Variants in TGFB2 observed in about 807,000 individuals in gnomAD.
The protein encoded by TGFB2 is transforming growth factor beta 2, also known as transforming growth factor beta-2 proprotein.
In TGFB2, 13 loss-of-function variants were observed where a neutral mutation model predicts 42.7. The observed-to-expected ratio is 0.30, with a 90% CI of 0.20 to 0.48. The LOEUF is 0.48. Ranked by LOEUF, TGFB2 falls within the 20% of genes least tolerant of loss-of-function variation. TGFB2 has a pLI of 0.99. For synonymous variants in TGFB2, 193 were observed against 193.6 expected, an observed-to-expected ratio of 1.00 and a Z score of 0.03; for missense variants, 390 against 517.5, an observed-to-expected ratio of 0.75 and a Z score of 2.39.
At chr1:218,367,530 T>C (rs1157458981) in intron 1 of TGFB2, among the ~76,000 whole-genome samples, 2 of 152,216 alleles carry the variant, frequency 1.3e-5, no homozygotes, top group South Asian at 2.1e-4. Context: ...AAGACAACTG[T>C]ACAGTATGGA....
intron 1 of TGFB2, among the ~76,000 whole-genome samples, chr1:218,352,444 A>C (rs1010228685): frequency 2.0e-5 from 3 of 152,134 alleles, no homozygotes; most frequent in Admixed American, 1.3e-4. Context: ...TCCTTTAAAC[A>C]ATGATAGTTT....
At chr1:218,431,964 C>G (rs181245737) in intron 2 of TGFB2, among the ~76,000 whole-genome samples, 57 of 152,324 alleles carry the variant, frequency 3.7e-4, no homozygotes, top group African/African-American at 1.3e-3. Context: ...TGCCAACATT[C>G]ATTGTGTATA....
chr1:218,411,668 A>C (rs1659102229), intron 2 of TGFB2, among the ~76,000 whole-genome samples: 1 of 152,004 alleles, frequency 6.6e-6, no homozygotes, highest in African/African-American at 2.4e-5. Flanking sequence ...CCAGGAGTTC[A>C]AGCCTGGGCA....
intron 2 of TGFB2, among the ~76,000 whole-genome samples, chr1:218,412,598 G>C (rs1659137118): frequency 6.6e-6 from 1 of 152,146 alleles, no homozygotes; most frequent in African/African-American, 2.4e-5. Context: ...AATGGTATGG[G>C]CGTTGTGACC....
At chr1:218,385,726 A>G (rs1389218380) in intron 1 of TGFB2, among the ~76,000 whole-genome samples, 2 of 152,214 alleles carry the variant, frequency 1.3e-5, no homozygotes, top group Non-Finnish European at 2.9e-5. Flanking sequence ...TCATAAGCTC[A>G]GTCTCTGAAC....
Position 218,351,699 on chromosome 1 carries a change from C to T in TGFB2, c.346+4652C>T, listed in dbSNP as rs920772134. ...GGGGCAGGTGGGGACCTCTCCACCT[C>T]ACAGAAGGAAGGGGTTGGGGGAGCC... On this transcript the variant is annotated intron_variant, in intron 1 of 6. Transcript: ENST00000366930. Among the ~76,000 whole-genome samples, 4 of 152,214 alleles carry T rather than the reference C, an allele frequency of 2.6e-5. No homozygotes were observed. The South Asian group carries it at 8.3e-4, about 32-fold the overall frequency.
intron 1 of TGFB2, among the ~76,000 whole-genome samples, chr1:218,401,393 G>A (rs1017245543): frequency 6.6e-6 from 1 of 152,106 alleles, no homozygotes; most frequent in African/African-American, 2.4e-5. Context: ...AGGTTGAGGT[G>A]AGGGGGACAC....
intron 2 of TGFB2, among the ~76,000 whole-genome samples, chr1:218,432,030 A>T (rs923527456): frequency 7.2e-5 from 11 of 152,152 alleles, no homozygotes; most frequent in African/African-American, 2.7e-4. Context: ...ATCTTATTTA[A>T]AAATCTTTGC....
intron 4 of TGFB2, among the ~76,000 whole-genome samples, 184 bp downstream of exon 4, chr1:218,434,632 G>A (rs949529733): frequency 6.6e-6 from 1 of 152,154 alleles, no homozygotes; most frequent in Non-Finnish European, 1.5e-5. Context: ...GAACGGAATA[G>A]GTTCCCAGTT....
intron 2 of TGFB2, among the ~76,000 whole-genome samples, chr1:218,417,060 T>C (rs1006485497): frequency 1.3e-5 from 2 of 152,038 alleles, no homozygotes; most frequent in African/African-American, 4.8e-5. Context: ...TTGGTATCAG[T>C]AGAGTGGGGT....
At chr1:218,376,436 C>T (rs1008708198) in intron 1 of TGFB2, among the ~76,000 whole-genome samples, 3 of 152,206 alleles carry the variant, frequency 2.0e-5, no homozygotes, top group African/African-American at 7.2e-5. Flanking sequence ...CAAGCATATA[C>T]TGCCTTAAGA....
intron 1 of TGFB2, among the ~76,000 whole-genome samples, chr1:218,350,655 A>G (rs1348657825): frequency 6.6e-6 from 1 of 152,232 alleles, no homozygotes; most frequent in Admixed American, 6.5e-5. Flanking sequence ...AATTAAATGG[A>G]GTGTGGATTA....
At chr1:218,389,916 A>C (rs933120663) in intron 1 of TGFB2, among the ~76,000 whole-genome samples, 22 of 152,208 alleles carry the variant, frequency 1.4e-4, no homozygotes, top group Non-Finnish European at 1.3e-4. Flanking sequence ...AAGTGATTCC[A>C]CTGACTTTAG....
chr1:218,423,395 A>G (rs1174353482), intron 2 of TGFB2, among the ~76,000 whole-genome samples: 1 of 152,162 alleles, frequency 6.6e-6, no homozygotes, highest in Non-Finnish European at 1.5e-5. Context: ...TGCTCAGCAA[A>G]TCCCGTAGCA....
chr1:218,362,752 T>C (rs142705197), intron 1 of TGFB2, among the ~76,000 whole-genome samples: 18 of 152,354 alleles, frequency 1.2e-4, no homozygotes, highest in African/African-American at 4.1e-4. Flanking sequence ...TTTCCAGATG[T>C]AATAACTATT....
chr1:218,440,896 C>T (rs1306202664), intron 6 of TGFB2, among the ~76,000 whole-genome samples: 1 of 151,850 alleles, frequency 6.6e-6, no homozygotes, highest in Non-Finnish European at 1.5e-5. Context: ...AAGCACTGAT[C>T]AGAGGAAAGA....
intron 6 of TGFB2, among the ~76,000 whole-genome samples, chr1:218,438,537 A>G (rs894624598): frequency 5.3e-5 from 8 of 152,204 alleles, no homozygotes; most frequent in Non-Finnish European, 7.3e-5. Context: ...ATGAAGTACA[A>G]AAGATGATAT....
chr1:218,434,412 C>T lies in TGFB2; in HGVS notation c.718C>T (p.Pro240Ser), dbSNP rs1659906211. ...TFVPSNNYII[P>S]NKSEELEARF... ...TGTACCATCTAATAATTACATCATCCCAAATAAAAGTGAAGAACTAGAAGC... is the reference window on the plus strand; with the variant it reads ...TGTACCATCTAATAATTACATCATCTCAAATAAAAGTGAAGAACTAGAAGC... Residue 240 changes from proline to serine, a missense_variant, in exon 4 of 7, where the codon CCA (proline) becomes TCA (serine). Coordinates refer to ENST00000366930, the MANE Select transcript of TGFB2 (RefSeq NM_003238.6). 6.2e-7 allele frequency: 1 copy of T among 1,613,586 alleles called. No individual in the cohort carries two copies.
intron 2 of TGFB2, among the ~76,000 whole-genome samples, chr1:218,410,255 G>A (rs1194690425): frequency 6.6e-6 from 1 of 152,190 alleles, no homozygotes. Context: ...CTGGATGGAC[G>A]TAGGATAACA....
Sources: allele counts gnomAD v4.1 joint callset (sites outside exome capture counted in the v4.1 genomes callset), GRCh38; gene constraint gnomAD v4.1.1; transcripts MANE v1.5; gene names NCBI Gene and HGNC (gene_info 2026-07-23, HGNC 2026-07-21).